CAMKMT: variants seen among roughly 807,000 people sequenced by gnomAD.
CAMKMT encodes the protein calmodulin-lysine N-methyltransferase, also known as CaM KMT.
CAMKMT carries 53 observed loss-of-function variants against 48.0 expected under a neutral mutation model. The ratio of observed to expected loss-of-function variants is 1.10; its 90% CI spans 0.89 to 1.39. The LOEUF (loss-of-function observed/expected upper bound fraction) is 1.39, where lower values mean the gene tolerates loss of function less well. Among genes scored for constraint, CAMKMT ranks in the 40% most tolerant of loss-of-function variants. The pLI is 0.00. For missense variants in CAMKMT, 428 were observed against 402.7 expected, an observed-to-expected ratio of 1.06 and a Z score of -0.54; for synonymous variants, 165 against 152.3, an observed-to-expected ratio of 1.08 and a Z score of -0.61.
chr2:44,724,640 G>C (rs1678677818), intron 7 of CAMKMT, among the ~76,000 whole-genome samples: 1 of 151,988 alleles, frequency 6.6e-6, no homozygotes, highest in Admixed American at 6.6e-5. Context: ...CATTAGAAGA[G>C]GCATTTTTTC....
chr2:44,368,428 C>A (rs1678836429), intron 1 of CAMKMT, among the ~76,000 whole-genome samples: 1 of 152,148 alleles, frequency 6.6e-6, no homozygotes, highest in African/African-American at 2.4e-5. Flanking sequence ...ATTACTTTTA[C>A]CTAACATGGA....
chr2:44,387,036 G>T (rs1406282635), intron 2 of CAMKMT, among the ~76,000 whole-genome samples: 1 of 152,120 alleles, frequency 6.6e-6, no homozygotes, highest in East Asian at 1.9e-4. Context: ...AAGTCCATTT[G>T]TTCCAAGGTA....
intron 3 of CAMKMT, among the ~76,000 whole-genome samples, chr2:44,580,059 C>G (rs992656053): frequency 6.6e-6 from 1 of 152,104 alleles, no homozygotes; most frequent in African/African-American, 2.4e-5. Flanking sequence ...AGTGCCCACG[C>G]ACCCAGGGAT....
At chr2:44,541,367 G>A (rs2104855883) in intron 3 of CAMKMT, among the ~76,000 whole-genome samples, 1 of 152,110 alleles carries the variant, frequency 6.6e-6, no homozygotes, top group Admixed American at 6.5e-5. Flanking sequence ...TCTACTCTTG[G>A]GGCTTTCAGA....
chr2:44,536,168 A>G (rs990420521), intron 3 of CAMKMT, among the ~76,000 whole-genome samples: 3 of 152,196 alleles, frequency 2.0e-5, no homozygotes, highest in African/African-American at 7.2e-5. Flanking sequence ...AAAGACCTGT[A>G]TTAGAAAAAG....
intron 3 of CAMKMT, among the ~76,000 whole-genome samples, chr2:44,646,670 C>A (rs1433724335): frequency 6.6e-6 from 1 of 152,084 alleles, no homozygotes; most frequent in African/African-American, 2.4e-5. Flanking sequence ...CCCTTTTTCC[C>A]CAAAACCATG....
chr2:44,425,821 C>T (rs1175663354), intron 3 of CAMKMT, among the ~76,000 whole-genome samples: 1 of 152,004 alleles, frequency 6.6e-6, no homozygotes, highest in Non-Finnish European at 1.5e-5. Flanking sequence ...ACCTCCACCT[C>T]CCGAGTTTAA....
At chr2:44,486,169 G>A (rs1489338520) in intron 3 of CAMKMT, among the ~76,000 whole-genome samples, 1 of 152,054 alleles carries the variant, frequency 6.6e-6, no homozygotes, top group African/African-American at 2.4e-5. Flanking sequence ...GTTTCACCAT[G>A]TTGGCCAGGC....
intron 3 of CAMKMT, among the ~76,000 whole-genome samples, chr2:44,667,027 T>G (rs755906915): frequency 7.9e-5 from 12 of 152,224 alleles, no homozygotes; most frequent in South Asian, 2.1e-4. Flanking sequence ...ATATTGAATC[T>G]AAAGATATAG....
intron 3 of CAMKMT, among the ~76,000 whole-genome samples, chr2:44,494,433 G>A (rs966862279): frequency 4.6e-5 from 7 of 151,992 alleles, no homozygotes; most frequent in Non-Finnish European, 5.9e-5. Context: ...CTCTGTTTAC[G>A]TACAAAAATG....
chr2:44,530,641 A>G (rs897553044), intron 3 of CAMKMT, among the ~76,000 whole-genome samples: 4 of 152,128 alleles, frequency 2.6e-5, no homozygotes, highest in Admixed American at 2.0e-4. Flanking sequence ...TATCACTATT[A>G]CTAAAATGAG....
At chr2:44,490,377 G>A (rs528173006) in intron 3 of CAMKMT, among the ~76,000 whole-genome samples, 31 of 152,242 alleles carry the variant, frequency 2.0e-4, no homozygotes, top group African/African-American at 7.5e-4. Context: ...CCGGGTTCAA[G>A]TGATTCTCCT....
intron 3 of CAMKMT, among the ~76,000 whole-genome samples, chr2:44,451,606 T>C (rs901635429): frequency 2.6e-5 from 4 of 152,044 alleles, no homozygotes; most frequent in Non-Finnish European, 5.9e-5. Context: ...AAGCAGTAAC[T>C]ACTATCCTTA....
chr2:44,637,631 G>T (rs1673205881), intron 3 of CAMKMT, among the ~76,000 whole-genome samples: 1 of 151,644 alleles, frequency 6.6e-6, no homozygotes, highest in Non-Finnish European at 1.5e-5. Context: ...ACTACAAGCT[G>T]TATTAGAAAA....
intron 3 of CAMKMT, among the ~76,000 whole-genome samples, chr2:44,485,692 A>G (rs976528017): frequency 6.6e-6 from 1 of 152,222 alleles, no homozygotes; most frequent in South Asian, 2.1e-4. Flanking sequence ...ATCTAAACAT[A>G]GGAAGGGTAC....
At chr2:44,392,856 G>A (rs1025568156) in intron 3 of CAMKMT, among the ~76,000 whole-genome samples, 1 of 151,906 alleles carries the variant, frequency 6.6e-6, no homozygotes, top group African/African-American at 2.4e-5. Context: ...CACCACCATG[G>A]TAGTATGTTA....
At chr2:44,503,485 AAAGAG>A (rs541523881) in intron 3 of CAMKMT, among the ~76,000 whole-genome samples, 314 of 152,302 alleles carry the variant, frequency 2.1e-3, no homozygotes, top group Non-Finnish European at 3.8e-3. Context: ...TTCAGAGAGA[AAAGAG>A]AAATTACAGC....
At chr2:44,410,020 T>C (rs903367365) in intron 3 of CAMKMT, among the ~76,000 whole-genome samples, 5 of 151,908 alleles carry the variant, frequency 3.3e-5, no homozygotes, top group African/African-American at 9.7e-5. Flanking sequence ...GCTGTGGAAG[T>C]ATAGAGAAGA....
intron 3 of CAMKMT, among the ~76,000 whole-genome samples, chr2:44,431,708 A>G (rs921078251): frequency 6.6e-6 from 1 of 152,152 alleles, no homozygotes; most frequent in Non-Finnish European, 1.5e-5. Context: ...CTCCTCTCAC[A>G]TTCTATTGTT....
Sources: gnomAD v4.1 joint callset for allele counts (sites outside exome capture counted in the v4.1 genomes callset) on GRCh38, gnomAD v4.1.1 for gene constraint, MANE v1.5 for transcripts, NCBI Gene and HGNC (gene_info 2026-07-23, HGNC 2026-07-21) for gene names.